The following CDK14 variants were observed in gnomAD, a reference collection of about 807,000 sequenced individuals.
CDK14 encodes the protein cyclin dependent kinase 14.
Under a neutral mutation model 60.7 loss-of-function variants are expected in CDK14, and 34 were observed. The ratio of observed to expected loss-of-function variants is 0.56; its 90% CI spans 0.43 to 0.75. The LOEUF is 0.75. CDK14 is among the 30% of genes least tolerant of loss of function. The pLI, the probability that CDK14 is intolerant of heterozygous loss-of-function variation, is 0.00. For synonymous variants in CDK14, 197 were observed against 203.7 expected (o/e 0.97, Z 0.28); for missense variants, 482 against 564.1 (o/e 0.85, Z 1.47).
At chr7:90,838,171 A>G (rs1187929130) in intron 5 of CDK14, among the ~76,000 whole-genome samples, 2 of 152,200 alleles carry the variant, frequency 1.3e-5, no homozygotes, top group African/African-American at 2.4e-5. Flanking sequence ...TAATACTTTT[A>G]TAATTTCTTA....
At chr7:90,989,426 T>G (rs1250118378) in intron 10 of CDK14, among the ~76,000 whole-genome samples, 1 of 152,182 alleles carries the variant, frequency 6.6e-6, no homozygotes, top group East Asian at 1.9e-4. Flanking sequence ...TCTGTAGCAC[T>G]AGGTACAATG....
intron 9 of CDK14, chr7:90,979,777 G>T (rs1466529406): frequency 6.6e-6 from 1 of 152,154 alleles, no homozygotes; most frequent in African/African-American, 2.4e-5. Flanking sequence ...CTTAATTGAA[G>T]ATTATACAGC....
intron 5 of CDK14, among the ~76,000 whole-genome samples, chr7:90,854,687 C>T (rs964477666): frequency 5.3e-5 from 8 of 150,450 alleles, no homozygotes; most frequent in African/African-American, 1.7e-4. Context: ...CTTTGTAGTG[C>T]TCTTGTTAAC....
chr7:91,101,002 T>TA (rs1406060830), intron 12 of CDK14, among the ~76,000 whole-genome samples: 2 of 151,414 alleles, frequency 1.3e-5, no homozygotes, highest in Middle Eastern at 3.4e-3. Context: ...TGTAGATTCG[T>TA]ATGATTATTC....
At chr7:90,734,758 G>A (rs1052710015) in intron 3 of CDK14, among the ~76,000 whole-genome samples, 3 of 151,992 alleles carry the variant, frequency 2.0e-5, no homozygotes, top group African/African-American at 7.3e-5. Flanking sequence ...GTTAAAACAC[G>A]CTCCTTTAGC....
chr7:91,203,889 T>A (rs976490036), intron 14 of CDK14, among the ~76,000 whole-genome samples: 7 of 152,176 alleles, frequency 4.6e-5, no homozygotes, highest in African/African-American at 1.7e-4. Flanking sequence ...AGTGCCTAGA[T>A]CAGAATGCAT....
At chr7:90,950,364 G>A (rs975316843) in intron 8 of CDK14, among the ~76,000 whole-genome samples, 3 of 152,080 alleles carry the variant, frequency 2.0e-5, no homozygotes, top group Non-Finnish European at 2.9e-5. Flanking sequence ...TAACCACTGC[G>A]CCTGGCCAAC....
intron 2 of CDK14, among the ~76,000 whole-genome samples, chr7:90,655,234 T>C (rs2188146): frequency 2.0e-5 from 3 of 151,984 alleles, no homozygotes; most frequent in African/African-American, 7.3e-5. Context: ...CATTTACCCA[T>C]TGATGTAACA....
chr7:91,014,341 A>G (rs1796244344), intron 10 of CDK14, among the ~76,000 whole-genome samples: 1 of 152,182 alleles, frequency 6.6e-6, no homozygotes, highest in Admixed American at 6.5e-5. Flanking sequence ...GCAACTCAAC[A>G]TTTTATTATA....
chr7:90,793,753 G>A (rs747536960), intron 5 of CDK14, among the ~76,000 whole-genome samples: 1 of 152,152 alleles, frequency 6.6e-6, no homozygotes, highest in African/African-American at 2.4e-5. Flanking sequence ...GTGGCTTGGG[G>A]CCTGCTGTCT....
At chr7:90,652,779 G>A (rs1393431297) in intron 2 of CDK14, among the ~76,000 whole-genome samples, 1 of 152,150 alleles carries the variant, frequency 6.6e-6, no homozygotes, top group Non-Finnish European at 1.5e-5. Flanking sequence ...TAAACCTGAG[G>A]CTTAAAGGTT....
rs181024710 is a variant in CDK14, at chr7:91,099,997, A to C, written c.1155-12545A>C. ...TCAAGTCTTCTAGTCAGAGGGTTGA[A>C]AAGTAATTATTGGTGCCTCTTTTGC... is the stretch of plus-strand genomic sequence containing the variant. On this transcript the variant is annotated intron_variant, in intron 12 of 14. Transcript: ENST00000380050. Among the ~76,000 whole-genome samples the C allele has an allele frequency of 3.9e-5, 6 of 152,254 alleles. No individual in the cohort carries two copies. In the East Asian group the frequency reaches 1.2e-3, roughly 29 times the overall value.
intron 12 of CDK14, among the ~76,000 whole-genome samples, chr7:91,105,276 G>A (rs1799255978): frequency 1.3e-5 from 2 of 152,336 alleles, no homozygotes; most frequent in South Asian, 4.1e-4. Context: ...AAGAAGGTAG[G>A]GAATAGGAAT....
rs964441439 is a variant in CDK14 at position 90,810,913 on chromosome 7, C to T, written c.544+20261C>T. Among the ~76,000 whole-genome samples, 129 of 151,802 alleles carry T rather than the reference C, an allele frequency of 8.5e-4. 1 individual carries two copies. The highest frequency in any genetic ancestry group is 1.5e-3 in the South Asian group (7 of 4,788). On this transcript the variant is annotated intron_variant, in intron 5 of 14. Transcript: ENST00000380050. ...ATCTAGGAATCCAACTTACAAGGGACGTGAAGGACCTCTTCAAGGAGAACT... is the reference window on the plus strand; with the variant it reads ...ATCTAGGAATCCAACTTACAAGGGATGTGAAGGACCTCTTCAAGGAGAACT...
intron 9 of CDK14, among the ~76,000 whole-genome samples, chr7:90,967,182 G>A (rs992191308): frequency 6.8e-6 from 1 of 146,936 alleles, no homozygotes; most frequent in Admixed American, 6.8e-5. Flanking sequence ...AAGGAGGGAA[G>A]GAAGGAAGGA....
intron 2 of CDK14, among the ~76,000 whole-genome samples, chr7:90,646,981 G>T (rs911829076): frequency 6.6e-6 from 1 of 152,064 alleles, no homozygotes; most frequent in African/African-American, 2.4e-5. Context: ...TGAAATGTCT[G>T]TTTTTCCACC....
intron 10 of CDK14, among the ~76,000 whole-genome samples, chr7:91,036,746 T>C (rs1458863998): frequency 6.6e-6 from 1 of 152,166 alleles, no homozygotes; most frequent in Admixed American, 6.6e-5. Context: ...ATATATATAG[T>C]TGGTAAGACT....
chr7:90,599,244 A>G (rs989337731), intron 1 of CDK14, among the ~76,000 whole-genome samples: 7 of 152,278 alleles, frequency 4.6e-5, no homozygotes, highest in African/African-American at 1.7e-4. Flanking sequence ...ATAAAGACTC[A>G]GTAAACGTTC....
At chr7:90,709,223 A>G (rs1444870263) in intron 2 of CDK14, 7 of 321,752 alleles carry the variant, frequency 2.2e-5, no homozygotes, top group Non-Finnish European at 3.4e-5. Flanking sequence ...CTCCATTTGC[A>G]TATGACAAAT....
Sources: allele counts gnomAD v4.1 joint callset (sites outside exome capture counted in the v4.1 genomes callset), GRCh38; gene constraint gnomAD v4.1.1; transcripts MANE v1.5; gene names NCBI Gene and HGNC (gene_info 2026-07-23, HGNC 2026-07-21).